Variants in HOOK3 observed in about 807,000 individuals in gnomAD.
HOOK3 encodes hook microtubule tethering protein 3, also known as protein Hook homolog 3.
A neutral mutation model predicts 116.3 loss-of-function variants in HOOK3; 24 were observed. That is an observed-to-expected ratio of 0.21 (90% confidence interval 0.15 to 0.29). The LOEUF (loss-of-function observed/expected upper bound fraction) is 0.29. HOOK3 is among the 10% of genes least tolerant of loss of function. The pLI is 1.00. For missense variants in HOOK3, 632 were observed against 830.2 expected, an observed-to-expected ratio of 0.76 and a Z score of 2.93; for synonymous variants, 275 against 283.0, an observed-to-expected ratio of 0.97 and a Z score of 0.28.
At chr8:42,986,922 C>A in intron 15 of HOOK3, 127 bp downstream of exon 15, 1 of 942,852 alleles carries the variant, frequency 1.1e-6, no homozygotes, top group East Asian at 2.6e-5. Context: ...TTTGGGAGGC[C>A]CAGGAGGGCA....
chr8:42,985,308 G>A (rs527649366), intron 14 of HOOK3, among the ~76,000 whole-genome samples: 2 of 152,238 alleles, frequency 1.3e-5, no homozygotes, highest in East Asian at 3.9e-4. Flanking sequence ...CTCAAAATTG[G>A]CAGCAATCTA....
intron 4 of HOOK3, among the ~76,000 whole-genome samples, chr8:42,938,908 G>A (rs1438028960): frequency 1.3e-5 from 2 of 151,932 alleles, no homozygotes; most frequent in African/African-American, 4.8e-5. Flanking sequence ...ATTAGCGAGT[G>A]GTGATGACTC....
At chr8:42,942,649 A>G (rs926454005) in intron 4 of HOOK3, among the ~76,000 whole-genome samples, 2 of 152,104 alleles carry the variant, frequency 1.3e-5, no homozygotes, top group African/African-American at 2.4e-5. Flanking sequence ...GTTTTTGCCT[A>G]TTTTTAATGT....
chr8:43,001,744 A>G (rs761745736), intron 16 of HOOK3, among the ~76,000 whole-genome samples: 1 of 152,216 alleles, frequency 6.6e-6, no homozygotes, highest in African/African-American at 2.4e-5. Context: ...AGTATAGCAG[A>G]TAAGTGTCTT....
At chr8:42,965,548 A>C (rs1808617825) in intron 9 of HOOK3, among the ~76,000 whole-genome samples, 1 of 152,184 alleles carries the variant, frequency 6.6e-6, no homozygotes, top group African/African-American at 2.4e-5. Flanking sequence ...GAAGCACAAA[A>C]TCGAAAGACA....
At chr8:42,962,261 C>CTTTT (rs559919675) in intron 8 of HOOK3, among the ~76,000 whole-genome samples, 2 of 117,782 alleles carry the variant, frequency 1.7e-5, no homozygotes, top group Non-Finnish European at 3.6e-5. Flanking sequence ...ATTTTCATTT[C>CTTTT]TTTTTTTTTT....
chr8:42,928,109 A>G (rs1023077756), intron 3 of HOOK3, among the ~76,000 whole-genome samples: 2 of 152,076 alleles, frequency 1.3e-5, no homozygotes, highest in Admixed American at 6.5e-5. Context: ...GTGAAACCCC[A>G]TTGTACTAAA....
At chr8:42,918,753 T>G (rs979473349) in intron 2 of HOOK3, among the ~76,000 whole-genome samples, 1 of 152,244 alleles carries the variant, frequency 6.6e-6, no homozygotes, top group Admixed American at 6.5e-5. Context: ...GGTAAGGTTA[T>G]AGATTAACAG....
intron 6 of HOOK3, among the ~76,000 whole-genome samples, chr8:42,954,802 ATT>A (rs1396001396): frequency 6.6e-6 from 1 of 152,218 alleles, no homozygotes; most frequent in Non-Finnish European, 1.5e-5. Context: ...ACAGTTGGGG[ATT>A]AGCCTTGGGT....
intron 8 of HOOK3, among the ~76,000 whole-genome samples, chr8:42,962,698 C>A (rs879676195): frequency 6.6e-6 from 1 of 151,998 alleles, no homozygotes; most frequent in African/African-American, 2.4e-5. Flanking sequence ...AGCCACCATG[C>A]CAGCCATGTT....
chr8:42,936,880 G>C (rs1001179104), intron 4 of HOOK3, among the ~76,000 whole-genome samples: 10 of 152,218 alleles, frequency 6.6e-5, no homozygotes, highest in South Asian at 6.2e-4. Flanking sequence ...GTCAGGTTTT[G>C]GTGTCAGGAT....
At chr8:42,898,019 A>T (rs1318920930) in intron 1 of HOOK3, among the ~76,000 whole-genome samples, 2 of 152,220 alleles carry the variant, frequency 1.3e-5, no homozygotes, top group African/African-American at 4.8e-5. Flanking sequence ...TGTTAATTAA[A>T]TGTTTACGGA....
chr8:42,919,266 C>T (rs1004163883), intron 2 of HOOK3, among the ~76,000 whole-genome samples: 6 of 145,698 alleles, frequency 4.1e-5, no homozygotes, highest in African/African-American at 1.3e-4. Flanking sequence ...ACTTCTCAGA[C>T]GGGGCGGCCA....
chr8:42,974,256 C>A, intron 13 of HOOK3, 62 bp downstream of exon 13: 1 of 1,216,326 alleles, frequency 8.2e-7, no homozygotes, highest in Non-Finnish European at 1.2e-6. Flanking sequence ...GGGAGTTTCA[C>A]TCTTATTGCC....
intron 17 of HOOK3, 128 bp downstream of exon 17, chr8:43,002,269 T>C (rs1809395660): frequency 1.6e-6 from 1 of 618,274 alleles, no homozygotes; most frequent in African/African-American, 1.9e-5. Context: ...ATAATACATA[T>C]TATGAGAGTC....
At chr8:42,943,931 A>G (rs1261854051) in intron 5 of HOOK3, among the ~76,000 whole-genome samples, 1 of 152,182 alleles carries the variant, frequency 6.6e-6, no homozygotes, top group African/African-American at 2.4e-5. Flanking sequence ...CATTATATGC[A>G]ATGTTTAAAT....
chr8:42,910,308 C>T (rs1194593550), intron 2 of HOOK3, among the ~76,000 whole-genome samples: 2 of 152,062 alleles, frequency 1.3e-5, no homozygotes, highest in Non-Finnish European at 2.9e-5. Context: ...GGGCATATTT[C>T]TTATTGATAC....
Position 43,020,839 on chromosome 8 carries a change from G to A in HOOK3, c.*2341G>A, listed in dbSNP as rs975773265. 5 of 184,020 alleles carry A rather than the reference G, an allele frequency of 2.7e-5. No homozygotes were observed. The highest frequency in any genetic ancestry group is 4.6e-5 in the Non-Finnish European group (4 of 86,834). The allele number at this position is 184,020 out of a possible 1,614,324, so 11.4% of individuals were successfully genotyped here. On this transcript the variant is annotated 3_prime_UTR_variant, in exon 22 of 22. Transcript: ENST00000307602. ...ACAACAGCCAGGTGCAGTGGCTCAC[G>A]CGTATAATCCCAGCACTTTGGGAGG...
At chr8:42,997,798 A>G (rs1281568729) in intron 16 of HOOK3, 161 bp downstream of exon 16, 2 of 585,900 alleles carry the variant, frequency 3.4e-6, no homozygotes, top group Admixed American at 5.1e-5. Flanking sequence ...TATAAAAAGG[A>G]CCAGATAGTA....
Sources: allele counts gnomAD v4.1 joint callset (sites outside exome capture counted in the v4.1 genomes callset), GRCh38; gene constraint gnomAD v4.1.1; transcripts MANE v1.5; gene names NCBI Gene and HGNC (gene_info 2026-07-23, HGNC 2026-07-21).